The following IL4I1 variants were observed in gnomAD, a reference collection of about 807,000 sequenced individuals.
IL4I1 encodes the protein interleukin 4 induced 1.
In IL4I1, 24 loss-of-function variants were observed where a neutral mutation model predicts 29.7. The observed-to-expected ratio is 0.81, with a 90% CI of 0.59 to 1.14. IL4I1 has a LOEUF of 1.14. Among genes scored for constraint, IL4I1 ranks in the 50% most tolerant of loss-of-function variants. IL4I1 has a pLI of 0.00. For synonymous variants in IL4I1, 371 were observed against 352.5 expected, an observed-to-expected ratio of 1.05 and a Z score of -0.59; for missense variants, 686 against 785.6, an observed-to-expected ratio of 0.87 and a Z score of 1.52.
At chr19:49,922,121 A>G (rs2075779625) in intron 2 of IL4I1, among the ~76,000 whole-genome samples, 1 of 152,176 alleles carries the variant, frequency 6.6e-6, no homozygotes, top group South Asian at 2.1e-4. Context: ...CTGTTTCTCA[A>G]CTAACCCCGG....
intron 2 of IL4I1, chr19:49,909,948 T>C: frequency 1.2e-6 from 1 of 845,514 alleles, no homozygotes; most frequent in African/African-American, 1.7e-5. Flanking sequence ...GTGGCATGAC[T>C]GGGCACAGTC....
At chr19:49,908,048 C>G (rs1255906795) in intron 2 of IL4I1, 2 of 1,260,258 alleles carry the variant, frequency 1.6e-6, no homozygotes, top group Non-Finnish European at 2.1e-6. Flanking sequence ...GAGGCTGCTG[C>G]CTGGGCAGAA....
chr19:49,907,528 T>TG (rs1353879572), intron 2 of IL4I1: 2 of 419,914 alleles, frequency 4.8e-6, no homozygotes, highest in Non-Finnish European at 9.1e-6. Flanking sequence ...TGCTGTCTCC[T>TG]GGGAGTTTCT....
chr19:49,894,301 C>A lies in IL4I1; in HGVS notation c.534G>T (p.Ser178=). ...YALRPQEKGH[S]PEDIYQMALN... ...GAGCCATCTGGTAGATGTCTTCGGG[C>A]GAGTGGCCCTTTTCCTGGGGACGCA... Residue 178 remains serine (S), a synonymous_variant, in exon 5 of 8, where the codon TCG becomes TCT. Transcript: ENST00000391826. 6.2e-7 allele frequency: 1 copy of A among 1,614,056 alleles called. No individual in the cohort carries two copies. Among genetic ancestry groups the A allele is most frequent in the Non-Finnish European group, 8.5e-7 (1 of 1,179,980 alleles).
At chr19:49,898,670 C>T (rs1221525123), upstream of IL4I1, among the ~76,000 whole-genome samples, 1 of 152,150 alleles carries the variant, frequency 6.6e-6, no homozygotes, top group Non-Finnish European at 1.5e-5. Flanking sequence ...GAGTTCAAGA[C>T]CAACCTGGCC....
intron 2 of IL4I1, among the ~76,000 whole-genome samples, chr19:49,915,429 C>T (rs936245551): frequency 3.3e-5 from 5 of 152,180 alleles, no homozygotes; most frequent in African/African-American, 4.8e-5. Flanking sequence ...CAGGCGGCTT[C>T]GGCCTCTAGA....
At chr19:49,925,683 A>G (rs2075869885) in intron 2 of IL4I1, among the ~76,000 whole-genome samples, 1 of 152,192 alleles carries the variant, frequency 6.6e-6, no homozygotes, top group African/African-American at 2.4e-5. Context: ...GAAGGAGCAG[A>G]AAGGGCATTA....
At chr19:49,894,991 G>A (rs1413488749) in intron 4 of IL4I1, 77 bp downstream of exon 4, 14 of 1,081,992 alleles carry the variant, frequency 1.3e-5, no homozygotes, top group South Asian at 2.7e-5. Context: ...GTGGAAGTTC[G>A]GGCCCACTCT....
At chr19:49,916,862 AGTG>A (rs1318860937) in intron 2 of IL4I1, among the ~76,000 whole-genome samples, 4 of 152,224 alleles carry the variant, frequency 2.6e-5, no homozygotes, top group African/African-American at 9.6e-5. Flanking sequence ...TTGAGGCTGC[AGTG>A]AGCTGTGATC....
chr19:49,896,092 G>T, intron 2 of IL4I1, 39 bp from the exon 3 acceptor site: 6 of 1,598,020 alleles, frequency 3.8e-6, no homozygotes, highest in Non-Finnish European at 5.1e-6. Flanking sequence ...GTTGTGGCAG[G>T]TCGGGGGAGA....
At chr19:49,924,298 C>T (rs998020023) in intron 2 of IL4I1, among the ~76,000 whole-genome samples, 2 of 152,144 alleles carry the variant, frequency 1.3e-5, no homozygotes, top group African/African-American at 4.8e-5. Context: ...TTCTTGGCAC[C>T]GAGCCTCAGA....
chr19:49,909,717 C>A, intron 2 of IL4I1: 1 of 1,614,130 alleles, frequency 6.2e-7, no homozygotes, highest in South Asian at 1.1e-5. Flanking sequence ...AAAGAAAACC[C>A]TGTAGCAGGT....
chr19:49,923,336 C>T (rs182273879), intron 2 of IL4I1, among the ~76,000 whole-genome samples: 49 of 152,326 alleles, frequency 3.2e-4, no homozygotes, highest in African/African-American at 1.1e-3. Context: ...GTATCACATT[C>T]GCTGGCCTCT....
At chr19:49,917,993 G>A (rs755861024) in intron 2 of IL4I1, among the ~76,000 whole-genome samples, 3 of 152,022 alleles carry the variant, frequency 2.0e-5, no homozygotes, top group African/African-American at 7.3e-5. Context: ...GTGACAGAGC[G>A]AGACTCTGTC....
chr19:49,913,791 T>C (rs1186865158), intron 2 of IL4I1, among the ~76,000 whole-genome samples: 1 of 152,178 alleles, frequency 6.6e-6, no homozygotes, highest in Non-Finnish European at 1.5e-5. Flanking sequence ...TTGGGGACTG[T>C]GGGCCACGTG....
upstream of IL4I1, among the ~76,000 whole-genome samples, chr19:49,899,552 TG>T (rs200185311): frequency 3.3e-4 from 49 of 148,952 alleles, 1 homozygote; most frequent in East Asian, 2.6e-3. Context: ...ACCTGTTTTT[TG>T]TTTTTTTTGT....
At position 49,891,398 on chromosome 19, in the gene IL4I1, C is replaced by T. The variant is rs2122504631; in HGVS notation, c.636+7G>A. The stretch of plus-strand genomic sequence containing the variant: ...TGCATCTCAGCAGAACCAAGATCCC[C>T]ACTTACCAAGAGCGTGTGCCTTTCA... On this transcript the variant is annotated splice_region_variant and intron_variant, in intron 6 of 7. Transcript: ENST00000391826. 6.2e-7 allele frequency: 1 copy of T among 1,613,928 alleles called. No homozygotes were observed. The highest frequency in any genetic ancestry group is 1.6e-4 in the Middle Eastern group (1 of 6,062).
Position 49,920,343 on chromosome 19 carries a change from G to C in IL4I1, c.-228+7351C>G, listed in dbSNP as rs748480167. On this transcript the variant is annotated intron_variant, in intron 2 of 9. Coordinates refer to the IL4I1 transcript ENST00000341114. Reference sequence around the variant, plus strand: ...AGATCCGCCCACCTCGGTCTCCCAAGGTGCTGGGATTACAGGCGTGAGCCA... The same window carrying C: ...AGATCCGCCCACCTCGGTCTCCCAACGTGCTGGGATTACAGGCGTGAGCCA... 3.7e-4 allele frequency among the ~76,000 whole-genome samples: 57 copies of C among 152,178 alleles called. 1 individual carries two copies. The highest frequency in any genetic ancestry group is 1.3e-4 in the Non-Finnish European group (9 of 68,036).
At chr19:49,894,167 G>A in intron 5 of IL4I1, 101 bp downstream of exon 5, 3 of 1,144,084 alleles carry the variant, frequency 2.6e-6, no homozygotes, top group Non-Finnish European at 3.8e-6. Context: ...ACCCCATGGA[G>A]GGGACTGAAG....
Sources: gnomAD v4.1 joint callset for allele counts (sites outside exome capture counted in the v4.1 genomes callset) on GRCh38, gnomAD v4.1.1 for gene constraint, MANE v1.5 for transcripts, NCBI Gene and HGNC (gene_info 2026-07-23, HGNC 2026-07-21) for gene names.